TENM2: variants seen among roughly 807,000 people sequenced by gnomAD.
The protein encoded by TENM2 is teneurin-2.
Under a neutral mutation model 245.2 loss-of-function variants are expected in TENM2, and 52 were observed. The ratio of observed to expected loss-of-function variants is 0.21; its 90% CI spans 0.17 to 0.27. The LOEUF (loss-of-function observed/expected upper bound fraction) is 0.27, where lower values mean the gene tolerates loss of function less well. TENM2 is among the 10% of genes least tolerant of loss of function. The probability of loss-of-function intolerance (pLI) is 1.00; values close to 1 mark genes in which losing one functional copy is unlikely to be tolerated. For synonymous variants in TENM2, 1,363 were observed against 1,438.9 expected, an observed-to-expected ratio of 0.95 and a Z score of 1.19; for missense variants, 3,046 against 3,666.8, an observed-to-expected ratio of 0.83 and a Z score of 4.37.
Position 168,065,630 on chromosome 5 carries a change from T to A in TENM2, c.1515+3365T>A, listed in dbSNP as rs187917803. Among the ~76,000 whole-genome samples, 473 of 152,212 alleles carry A rather than the reference T, an allele frequency of 3.1e-3. 4 individuals are homozygous for A. Among genetic ancestry groups the A allele is most frequent in the African/African-American group, 0.011 (452 of 41,540 alleles). ...GCAATTATACAAATATAGATTTTTT[T>A]AATAAATTAATTTCTAGTTTCTTCT... On this transcript the variant is annotated intron_variant, in intron 7 of 28. Coordinates refer to ENST00000518659, the Ensembl canonical transcript of TENM2.
At chr5:167,878,151 T>G (rs917107289) in intron 3 of TENM2, among the ~76,000 whole-genome samples, 1 of 152,202 alleles carries the variant, frequency 6.6e-6, no homozygotes, top group Non-Finnish European at 1.5e-5. Flanking sequence ...TTCCTTTCTT[T>G]TGGACAGTGT....
chr5:168,252,204 C>G (rs1468157211), intron 27 of TENM2, among the ~76,000 whole-genome samples: 11 of 151,756 alleles, frequency 7.2e-5, no homozygotes. Context: ...GTAGAGAGAT[C>G]CCATCTCTAC....
chr5:168,186,626 C>G (rs1336645350), intron 13 of TENM2: 4 of 152,110 alleles, frequency 2.6e-5, no homozygotes, highest in Non-Finnish European at 5.9e-5. Flanking sequence ...GCAAACCTCT[C>G]CTACCATCCT....
the TENM2 span, among the ~76,000 whole-genome samples, chr5:167,233,998 T>G: frequency 6.6e-6 from 1 of 150,956 alleles, no homozygotes; most frequent in Non-Finnish European, 1.5e-5. Flanking sequence ...ATGAAAACAC[T>G]CAACAATGCC....
In TENM2 at chr5:167,967,625, A is replaced by G. The variant is rs570740944; in HGVS notation, c.947+14803A>G. On this transcript the variant is annotated intron_variant, in intron 4 of 28. Coordinates refer to ENST00000518659, the Ensembl canonical transcript of TENM2. ...AAGTCTCTAGGTAGAAAGAACTTAA[A>G]AAAAAGAAAAATAAAAATCCATCCC... is the stretch of plus-strand genomic sequence containing the variant. Among the ~76,000 whole-genome samples, 60 of 152,314 alleles carry G rather than the reference A, an allele frequency of 3.9e-4. No homozygotes were observed. In the South Asian group the frequency reaches 4.8e-3, roughly 12 times the overall value.
chr5:167,692,981 A>G (rs1180573032), intron 2 of TENM2, among the ~76,000 whole-genome samples: 1 of 152,178 alleles, frequency 6.6e-6, no homozygotes, highest in Admixed American at 6.5e-5. Context: ...TGAGAGCCCG[A>G]GCTTTAGAGA....
intron 2 of TENM2, among the ~76,000 whole-genome samples, chr5:167,863,858 G>T (rs1348068531): frequency 6.6e-6 from 1 of 152,206 alleles, no homozygotes; most frequent in East Asian, 1.9e-4. Flanking sequence ...CAGATACAAG[G>T]CAATGATGTT....
intron 2 of TENM2, among the ~76,000 whole-genome samples, chr5:167,789,553 C>T (rs1764810134): frequency 6.6e-6 from 1 of 152,186 alleles, no homozygotes; most frequent in South Asian, 2.1e-4. Flanking sequence ...TGGTTGGACA[C>T]TTTGAATGTC....
intron 2 of TENM2, among the ~76,000 whole-genome samples, chr5:167,475,012 C>G (rs1022114375): frequency 6.6e-6 from 1 of 152,100 alleles, no homozygotes; most frequent in Non-Finnish European, 1.5e-5. Context: ...TATATCTCCT[C>G]CAAGTATATT....
chr5:167,993,278 C>A (rs2152012788), intron 5 of TENM2, 96 bp downstream of exon 7: 1 of 988,306 alleles, frequency 1.0e-6, no homozygotes, highest in Non-Finnish European at 1.5e-6. Flanking sequence ...GATGTCTGTA[C>A]AGTTTGCTTC....
the TENM2 span, among the ~76,000 whole-genome samples, chr5:167,246,289 G>A: frequency 6.6e-6 from 1 of 151,978 alleles, no homozygotes; most frequent in African/African-American, 2.4e-5. Context: ...GTGGGCTACC[G>A]CATTTATGTA....
At chr5:167,865,166 A>C (rs1192857708) in intron 2 of TENM2, among the ~76,000 whole-genome samples, 3 of 152,220 alleles carry the variant, frequency 2.0e-5, no homozygotes, top group Non-Finnish European at 2.9e-5. Flanking sequence ...ACATAGTTTA[A>C]CGCCTTCATC....
At chr5:168,172,652 C>T (rs1038452966) in intron 13 of TENM2, among the ~76,000 whole-genome samples, 5 of 152,190 alleles carry the variant, frequency 3.3e-5, no homozygotes, top group African/African-American at 7.2e-5. Context: ...GAACAACCTC[C>T]GCCCCTCAGA....
chr5:167,333,441 GTTA>G (rs1248707865), intron 1 of TENM2, among the ~76,000 whole-genome samples: 2 of 152,122 alleles, frequency 1.3e-5, no homozygotes, highest in Middle Eastern at 3.2e-3. Context: ...GGTAGTTGTT[GTTA>G]TTATTATTAT....
the TENM2 span, among the ~76,000 whole-genome samples, chr5:167,250,709 C>G: frequency 6.6e-6 from 1 of 152,114 alleles, no homozygotes; most frequent in Non-Finnish European, 1.5e-5. Context: ...AAACATGTGT[C>G]CTACTGAGAT....
intron 27 of TENM2, among the ~76,000 whole-genome samples, chr5:168,250,204 G>A (rs1218616107): frequency 1.3e-5 from 2 of 151,858 alleles, no homozygotes; most frequent in African/African-American, 4.8e-5. Flanking sequence ...GGATGGGTAG[G>A]TGGATGGGTG....
chr5:167,906,371 C>G (rs1776085752), intron 3 of TENM2, among the ~76,000 whole-genome samples: 1 of 152,154 alleles, frequency 6.6e-6, no homozygotes, highest in African/African-American at 2.4e-5. Flanking sequence ...AGGTGCAAGC[C>G]TGCTCTCCAG....
chr5:167,259,498 G>A, the TENM2 span, among the ~76,000 whole-genome samples: 5 of 152,262 alleles, frequency 3.3e-5, no homozygotes, highest in Admixed American at 3.3e-4. Flanking sequence ...GGGATCACCT[G>A]TTTAAAACCT....
At chr5:167,737,861 G>A (rs1408322830) in intron 2 of TENM2, among the ~76,000 whole-genome samples, 1 of 152,192 alleles carries the variant, frequency 6.6e-6, no homozygotes, top group Non-Finnish European at 1.5e-5. Context: ...TCTGCTTAAA[G>A]GGAGAGCTCA....
Sources: gnomAD v4.1 joint callset for allele counts (sites outside exome capture counted in the v4.1 genomes callset) on GRCh38, gnomAD v4.1.1 for gene constraint, MANE v1.5 for transcripts, NCBI Gene and HGNC (gene_info 2026-07-23, HGNC 2026-07-21) for gene names.